EXT1: variants seen among roughly 807,000 people sequenced by gnomAD.
EXT1 encodes the protein exostosin glycosyltransferase 1, also known as exostosin-1.
Under a neutral mutation model 82.5 loss-of-function variants are expected in EXT1, and 20 were observed. That is an observed-to-expected ratio of 0.24 (90% CI 0.17 to 0.35). EXT1 has a LOEUF of 0.35. Ranked by LOEUF, EXT1 falls within the 10% of genes least tolerant of loss-of-function variation. The pLI, the probability that EXT1 is intolerant of heterozygous loss-of-function variation, is 1.00. For synonymous variants in EXT1, 348 were observed against 350.8 expected (o/e 0.99, Z 0.09); for missense variants, 757 against 936.5 (o/e 0.81, Z 2.50).
intron 1 of EXT1, among the ~76,000 whole-genome samples, chr8:118,012,450 T>C (rs1815920522): frequency 6.6e-6 from 1 of 152,198 alleles, no homozygotes. Context: ...GCTGGTGCAG[T>C]GTCTGCCTCC....
At position 117,819,402 on chromosome 8, in the gene EXT1, CTA is replaced by C. The variant is rs367850610; in HGVS notation, c.1536+272_1536+273del. On this transcript the variant is annotated intron_variant, in intron 6 of 10. Coordinates refer to ENST00000378204, the MANE Select transcript of EXT1 (RefSeq NM_000127.3). ...CATGTGCTTGTATCTTCTTTAGAGA[CTA>C]TGTTGGTGTATGTATATATACTTTT... Among the ~76,000 whole-genome samples, 708 of 152,244 alleles carry C rather than the reference CTA, an allele frequency of 4.7e-3. 11 individuals are homozygous for C. Among genetic ancestry groups the C allele is most frequent in the African/African-American group, 0.016 (679 of 41,542 alleles).
At chr8:118,098,517 G>A (rs1817659458) in intron 1 of EXT1, among the ~76,000 whole-genome samples, 1 of 152,092 alleles carries the variant, frequency 6.6e-6, no homozygotes, top group Admixed American at 6.6e-5. Flanking sequence ...AGCACTTTGG[G>A]AGGCCGAGGC....
At chr8:117,820,894 G>A (rs1163802121) in intron 5 of EXT1, among the ~76,000 whole-genome samples, 5 of 152,154 alleles carry the variant, frequency 3.3e-5, no homozygotes, top group Non-Finnish European at 7.3e-5. Context: ...ATGTGAGGCA[G>A]ACTTTTGCCA....
At chr8:118,085,862 T>C (rs1004038496) in intron 1 of EXT1, among the ~76,000 whole-genome samples, 3 of 152,192 alleles carry the variant, frequency 2.0e-5, no homozygotes, top group Non-Finnish European at 2.9e-5. Context: ...GATAATCTAT[T>C]TTAAAGGAAC....
At chr8:117,854,767 C>A (rs1455785209) in intron 1 of EXT1, among the ~76,000 whole-genome samples, 13 of 152,164 alleles carry the variant, frequency 8.5e-5, no homozygotes, top group Admixed American at 7.9e-4. Context: ...CACAGCTGCA[C>A]ACCAAGGCTG....
intron 1 of EXT1, among the ~76,000 whole-genome samples, chr8:117,960,028 T>G (rs1186250075): frequency 6.6e-6 from 1 of 152,094 alleles, no homozygotes; most frequent in East Asian, 1.9e-4. Flanking sequence ...CTGACCAACA[T>G]GGTGAAAACC....
Position 118,110,689 on chromosome 8 carries a change from G to A in EXT1, c.358C>T (p.Pro120Ser), listed in dbSNP as rs377676265. Residue 120 changes from proline (P) to serine (S), a missense_variant, in exon 1 of 11, where the codon CCA (proline) becomes TCA (serine). Transcript: ENST00000378204. ...GCGATTTTCTCCCCTTTTTGCTGTG[G>A]GTATACGTAGACTTTGAAGCCGTTT... ...KKNGFKVYVY[P>S]QQKGEKIAES... 3 of 1,614,104 alleles carry A rather than the reference G, an allele frequency of 1.9e-6. No homozygotes were observed. The highest frequency in any genetic ancestry group is 1.3e-5 in the African/African-American group (1 of 75,008).
chr8:117,937,904 T>C (rs569784566), intron 1 of EXT1, among the ~76,000 whole-genome samples: 104 of 152,338 alleles, frequency 6.8e-4, no homozygotes, highest in African/African-American at 2.3e-3. Flanking sequence ...AAGCACTCTA[T>C]TGGAGCACTG....
At chr8:117,810,835 G>A (rs748128720) in intron 8 of EXT1, among the ~76,000 whole-genome samples, 11 of 152,146 alleles carry the variant, frequency 7.2e-5, no homozygotes, top group Non-Finnish European at 1.3e-4. Flanking sequence ...GGGAGTCACC[G>A]GCAGGAAAAT....
chr8:117,970,880 T>G (rs542779850), intron 1 of EXT1, among the ~76,000 whole-genome samples: 24 of 152,256 alleles, frequency 1.6e-4, no homozygotes, highest in Admixed American at 1.4e-3. Flanking sequence ...GAATCCTGGG[T>G]AATCCGTTTT....
chr8:117,820,784 A>G (rs978357036), intron 5 of EXT1, among the ~76,000 whole-genome samples: 1 of 152,126 alleles, frequency 6.6e-6, no homozygotes, highest in Non-Finnish European at 1.5e-5. Context: ...AGCAGCTACC[A>G]TTATCATCAC....
chr8:117,799,832 C>T lies in EXT1; in HGVS notation c.2121G>A (p.Thr707=), dbSNP rs746184779. 9.9e-6 allele frequency: 16 copies of T among 1,614,028 alleles called. No homozygotes were observed. In the Admixed American group the frequency reaches 1.0e-4, roughly 10 times the overall value. The part of the protein sequence containing the change: ...HFAQRQSCMN[T]FASWFGYMPL... ...GCATGTAGCCAAACCAGCTGGCAAA[C>T]GTATTCATGCAGCTCTGTCGCTGGG... Residue 707 remains threonine (T), a synonymous_variant, in exon 11 of 11, where the codon ACG becomes ACA. Transcript: ENST00000378204.
At chr8:118,076,940 T>A (rs1274545553) in intron 1 of EXT1, among the ~76,000 whole-genome samples, 1 of 152,064 alleles carries the variant, frequency 6.6e-6, no homozygotes, top group Non-Finnish European at 1.5e-5. Flanking sequence ...GAAAGCAATG[T>A]TACAATTTAA....
intron 1 of EXT1, among the ~76,000 whole-genome samples, chr8:118,102,740 G>A (rs537194631): frequency 2.2e-4 from 33 of 152,300 alleles, no homozygotes; most frequent in Middle Eastern, 6.8e-3. Context: ...ACCAATAGTG[G>A]CTAACACTTA....
chr8:117,807,396 C>T lies in EXT1; in HGVS notation c.1723-19G>A, dbSNP rs200179887. ...AATCCACCTGCAGGCAGAACACAAG[C>T]CAAACAAGCAATCAACAGTGTTAAC... is the stretch of plus-strand genomic sequence containing the variant. On this transcript the variant is annotated intron_variant, in intron 8 of 10. Transcript: ENST00000378204. 1.2e-6 allele frequency: 2 copies of T among 1,614,078 alleles called. No homozygotes were observed. Among genetic ancestry groups the T allele is most frequent in the Middle Eastern group, 1.7e-4 (1 of 6,060 alleles).
rs1056781378 is a variant in EXT1, at chr8:118,095,131, A to G, written c.962+14954T>C. ...GGTTCAAACCTCACCAACACTCCCTATATTCTCACTTCATATTTTTCATCC... is the reference window on the plus strand; with the variant it reads ...GGTTCAAACCTCACCAACACTCCCTGTATTCTCACTTCATATTTTTCATCC... On this transcript the variant is annotated intron_variant, in intron 1 of 10. Transcript: ENST00000378204. Among the ~76,000 whole-genome samples the G allele has an allele frequency of 1.3e-5, 2 of 152,000 alleles. 1 individual carries two copies. The highest frequency in any genetic ancestry group is 2.9e-5 in the Non-Finnish European group (2 of 67,978).
intron 1 of EXT1, among the ~76,000 whole-genome samples, chr8:118,035,047 TAAAAC>T (rs1286818377): frequency 1.3e-5 from 2 of 152,234 alleles, no homozygotes; most frequent in Non-Finnish European, 2.9e-5. Context: ...AGCACCATGT[TAAAAC>T]AGAGTGTTGC....
chr8:117,962,214 A>C (rs969737856), intron 1 of EXT1, among the ~76,000 whole-genome samples: 3 of 152,170 alleles, frequency 2.0e-5, no homozygotes, highest in Non-Finnish European at 4.4e-5. Flanking sequence ...TATAGTAAAC[A>C]AACCATTATC....
chr8:117,989,997 C>A (rs920110811), intron 1 of EXT1, among the ~76,000 whole-genome samples: 1 of 152,118 alleles, frequency 6.6e-6, no homozygotes, highest in Non-Finnish European at 1.5e-5. Flanking sequence ...CATGGTGAAA[C>A]ACTGGGTCTA....
Sources: allele counts gnomAD v4.1 joint callset (sites outside exome capture counted in the v4.1 genomes callset), GRCh38; gene constraint gnomAD v4.1.1; transcripts MANE v1.5; gene names NCBI Gene and HGNC (gene_info 2026-07-23, HGNC 2026-07-21).